Variants in DLGAP2 observed in about 807,000 individuals in gnomAD.
The protein encoded by DLGAP2 is DLG associated protein 2.
Under a neutral mutation model 100.3 loss-of-function variants are expected in DLGAP2, and 26 were observed. The observed-to-expected ratio is 0.26, with a 90% CI of 0.19 to 0.36. DLGAP2 has a LOEUF of 0.36. DLGAP2 is among the 10% of genes least tolerant of loss of function. DLGAP2 has a pLI of 1.00. For missense variants in DLGAP2, 1,858 were observed against 1,453.2 expected (o/e 1.28, Z -4.53); for synonymous variants, 886 against 630.1 (o/e 1.41, Z -6.08).
chr8:1,389,971 C>T (rs1373000616), intron 3 of DLGAP2, among the ~76,000 whole-genome samples: 1 of 152,114 alleles, frequency 6.6e-6, no homozygotes. Flanking sequence ...CACACGTGAA[C>T]AGGAGCAACC....
At chr8:1,290,609 A>C (rs1419066940) in intron 3 of DLGAP2, among the ~76,000 whole-genome samples, 1 of 152,356 alleles carries the variant, frequency 6.6e-6, no homozygotes, top group East Asian at 1.9e-4. Flanking sequence ...GAGACACCAG[A>C]AAGACCAGAA....
At chr8:912,760 A>C (rs1033649128) in intron 2 of DLGAP2, among the ~76,000 whole-genome samples, 2 of 131,626 alleles carry the variant, frequency 1.5e-5, no homozygotes, top group Non-Finnish European at 3.1e-5. Context: ...CTCTCTGTGG[A>C]GCTGACCCCT....
chr8:746,577 C>A (rs557663996), intron 1 of DLGAP2, among the ~76,000 whole-genome samples: 1 of 152,256 alleles, frequency 6.6e-6, no homozygotes, highest in Non-Finnish European at 1.5e-5. Flanking sequence ...GCACCTGACA[C>A]CTTGCTGGGC....
intron 2 of DLGAP2, among the ~76,000 whole-genome samples, chr8:1,202,311 T>TGTGG (rs1797896809): frequency 2.0e-5 from 3 of 151,724 alleles, no homozygotes; most frequent in Non-Finnish European, 4.4e-5. Flanking sequence ...TGTGTGTGTG[T>TGTGG]GTATGTACTG....
chr8:796,933 G>A (rs1212936480), intron 1 of DLGAP2, among the ~76,000 whole-genome samples: 1 of 152,090 alleles, frequency 6.6e-6, no homozygotes, highest in Non-Finnish European at 1.5e-5. Context: ...CACAAGTCAA[G>A]GATCACTTTT....
intron 3 of DLGAP2, among the ~76,000 whole-genome samples, chr8:1,486,473 T>G (rs190116792): frequency 6.6e-6 from 1 of 152,328 alleles, no homozygotes; most frequent in East Asian, 1.9e-4. Flanking sequence ...CCACAGGCTC[T>G]GAAAGTAGTT....
intron 8 of DLGAP2, among the ~76,000 whole-genome samples, chr8:1,637,019 G>C (rs763462189): frequency 1.3e-5 from 2 of 152,246 alleles, no homozygotes; most frequent in African/African-American, 2.4e-5. Context: ...CCAGGTTGGA[G>C]GGAGGAGGTG....
At chr8:940,096 A>G (rs112241246) in intron 2 of DLGAP2, among the ~76,000 whole-genome samples, 18 of 152,076 alleles carry the variant, frequency 1.2e-4, no homozygotes, top group African/African-American at 3.6e-4. Flanking sequence ...AACGAAGGCC[A>G]CAGAGCTGTG....
At chr8:1,528,030 G>T (rs550087169) in intron 4 of DLGAP2, among the ~76,000 whole-genome samples, 1 of 152,214 alleles carries the variant, frequency 6.6e-6, no homozygotes, top group Non-Finnish European at 1.5e-5. Flanking sequence ...ACTGAAAGAG[G>T]CTTAAAATAC....
chr8:1,330,030 A>G (rs780035381), intron 3 of DLGAP2, among the ~76,000 whole-genome samples: 79 of 152,340 alleles, frequency 5.2e-4, no homozygotes, highest in Admixed American at 1.3e-3. Flanking sequence ...ACGGATGTCC[A>G]TTAAAGTGGC....
intron 2 of DLGAP2, among the ~76,000 whole-genome samples, chr8:968,977 T>C (rs1306389429): frequency 6.6e-6 from 1 of 152,178 alleles, no homozygotes; most frequent in Non-Finnish European, 1.5e-5. Context: ...TCAAGGACAT[T>C]GAGGACTTGC....
At chr8:1,620,418 C>G (rs1026296937) in intron 6 of DLGAP2, 2 of 152,304 alleles carry the variant, frequency 1.3e-5, no homozygotes, top group Non-Finnish European at 2.9e-5. Context: ...ACTCACAGCC[C>G]GACGTCTTCC....
intron 3 of DLGAP2, among the ~76,000 whole-genome samples, chr8:1,446,117 T>C (rs1440436424): frequency 6.6e-6 from 1 of 152,168 alleles, no homozygotes; most frequent in African/African-American, 2.4e-5. Flanking sequence ...TTGTCAATTT[T>C]GGCTTTTGTT....
intron 1 of DLGAP2, among the ~76,000 whole-genome samples, chr8:820,942 G>C (rs1186899429): frequency 6.6e-6 from 1 of 152,188 alleles, no homozygotes; most frequent in Non-Finnish European, 1.5e-5. Flanking sequence ...TTGAAGAGCA[G>C]AATGTGAATT....
At chr8:1,318,742 C>G (rs942189696) in intron 3 of DLGAP2, among the ~76,000 whole-genome samples, 2 of 150,846 alleles carry the variant, frequency 1.3e-5, no homozygotes, top group Non-Finnish European at 2.9e-5. Context: ...TATATTTTTA[C>G]TGTTTTCATT....
intron 2 of DLGAP2, among the ~76,000 whole-genome samples, chr8:1,052,278 C>T (rs1802741562): frequency 6.6e-6 from 1 of 152,178 alleles, no homozygotes; most frequent in African/African-American, 2.4e-5. Context: ...CTGTTTCTTC[C>T]TCCTTTCTAC....
chr8:1,186,833 T>C (rs1797515308), intron 2 of DLGAP2, among the ~76,000 whole-genome samples: 1 of 152,182 alleles, frequency 6.6e-6, no homozygotes, highest in African/African-American at 2.4e-5. Context: ...TGCCTTTTTG[T>C]CTTCTTCCTG....
chr8:1,128,638 C>A (rs989328179), intron 2 of DLGAP2, among the ~76,000 whole-genome samples: 11 of 152,292 alleles, frequency 7.2e-5, no homozygotes, highest in African/African-American at 2.6e-4. Flanking sequence ...GATTGGCCAA[C>A]AACACGTTTC....
intron 3 of DLGAP2, among the ~76,000 whole-genome samples, chr8:1,389,288 A>G (rs1352786381): frequency 7.2e-6 from 1 of 139,006 alleles, no homozygotes; most frequent in Non-Finnish European, 1.5e-5. Context: ...TGGGGAGGGG[A>G]CTCTGGAGGA....
Sources: gnomAD v4.1 joint callset for allele counts (sites outside exome capture counted in the v4.1 genomes callset) on GRCh38, gnomAD v4.1.1 for gene constraint, MANE v1.5 for transcripts, NCBI Gene and HGNC (gene_info 2026-07-23, HGNC 2026-07-21) for gene names.